PSAP: variants seen among roughly 807,000 people sequenced by gnomAD.
PSAP encodes prosaposin.
In PSAP, 25 loss-of-function variants were observed where a neutral mutation model predicts 66.0. That is an observed-to-expected ratio of 0.38 (90% CI 0.28 to 0.53). The LOEUF (loss-of-function observed/expected upper bound fraction) is 0.53, where lower values mean the gene tolerates loss of function less well. PSAP is among the 20% of genes least tolerant of loss of function. PSAP has a pLI of 0.83. For synonymous variants in PSAP, 273 were observed against 258.9 expected (o/e 1.05, Z -0.52); for missense variants, 649 against 668.8 (o/e 0.97, Z 0.33).
Position 71,825,902 on chromosome 10 carries a change from A to T in PSAP, c.721-9T>A. On this transcript the variant is annotated splice_polypyrimidine_tract_variant and intron_variant, in intron 6 of 13. Coordinates refer to ENST00000394936, the MANE Select transcript of PSAP (RefSeq NM_002778.4). The stretch of plus-strand genomic sequence containing the variant: ...CTGATATAGTTCTTGCACTGAGGAG[A>T]GAGAAACAGATTGCTAAACAAATCA... 1 of 1,611,510 alleles carries T rather than the reference A, an allele frequency of 6.2e-7. No individual in the cohort carries two copies.
At chr10:71,836,879 C>T (rs757213457) in intron 1 of PSAP, among the ~76,000 whole-genome samples, 4 of 152,184 alleles carry the variant, frequency 2.6e-5, no homozygotes, top group East Asian at 1.9e-4. Flanking sequence ...AAACAATAAT[C>T]GTTTTCCATG....
chr10:71,826,869 T>C (rs1842406536), intron 6 of PSAP, among the ~76,000 whole-genome samples: 1 of 152,222 alleles, frequency 6.6e-6, no homozygotes. Flanking sequence ...GCAGGTTTCT[T>C]CAGTTGTCAG....
chr10:71,816,557 C>CAT lies in PSAP; in HGVS notation c.*882_*883dup, dbSNP rs1842163264. ...GCCAGAGGCCTAGGAGCTCGCCATCCATATTTATTTGAAAAGGTCAAAAGG... is the reference window on the plus strand; with the variant it reads ...GCCAGAGGCCTAGGAGCTCGCCATCCATATATTTATTTGAAAAGGTCAAAAGG... On this transcript the variant is annotated 3_prime_UTR_variant, in exon 14 of 14. Transcript: ENST00000394936. The CAT allele has an allele frequency of 2.3e-6, 1 of 441,812 alleles. No individual in the cohort carries two copies. Among genetic ancestry groups the CAT allele is most frequent in the Non-Finnish European group, 4.8e-6 (1 of 206,518 alleles). 27.4% of individuals were successfully genotyped at this position (441,812 alleles called of 1,614,324 possible).
At chr10:71,849,604 C>G (rs2133072878) in intron 1 of PSAP, among the ~76,000 whole-genome samples, 1 of 148,342 alleles carries the variant, frequency 6.7e-6, no homozygotes, top group Admixed American at 6.7e-5. Flanking sequence ...AACTCCGTCT[C>G]AAAAAACAAA....
intron 2 of PSAP, 149 bp downstream of exon 2, chr10:71,834,223 T>C (rs563246958): frequency 1.5e-5 from 20 of 1,299,972 alleles, no homozygotes; most frequent in African/African-American, 5.8e-5. Context: ...CATTCACCAA[T>C]AGGTCCTGCC....
At chr10:71,834,974 C>T (rs966184423) in intron 1 of PSAP, among the ~76,000 whole-genome samples, 6 of 151,978 alleles carry the variant, frequency 3.9e-5, no homozygotes, top group East Asian at 1.9e-4. Context: ...CGGTGGCTCA[C>T]GCCTATAATC....
At chr10:71,819,212 C>T in intron 11 of PSAP, 101 bp from the exon 12 acceptor site, 1 of 1,162,058 alleles carries the variant, frequency 8.6e-7, no homozygotes, top group Non-Finnish European at 1.3e-6. Context: ...TCCCTGAGAG[C>T]TCCTGGCATT....
At chr10:71,834,262 A>G in intron 2 of PSAP, 110 bp downstream of exon 2, 1 of 1,561,750 alleles carries the variant, frequency 6.4e-7, no homozygotes. Flanking sequence ...TGAGAAGTAA[A>G]CAAAACAAGG....
At chr10:71,830,990 C>T in intron 4 of PSAP, 136 bp downstream of exon 4, 1 of 1,370,752 alleles carries the variant, frequency 7.3e-7, no homozygotes, top group Non-Finnish European at 1.0e-6. Flanking sequence ...TTCTGGATGT[C>T]AAATTGTAGC....
intron 6 of PSAP, among the ~76,000 whole-genome samples, chr10:71,826,828 A>G (rs2854992): frequency 0.77 from 117,113 of 152,006 alleles, 45,353 homozygotes; most frequent in African/African-American, 0.85. Flanking sequence ...AGGACAGAGT[A>G]ATTACAACCA....
intron 1 of PSAP, among the ~76,000 whole-genome samples, chr10:71,848,557 G>C (rs1449792293): frequency 6.6e-6 from 1 of 152,156 alleles, no homozygotes; most frequent in East Asian, 1.9e-4. Flanking sequence ...GGGGCAGCTG[G>C]ATGGGCAGAA....
At chr10:71,825,598 T>C (rs1284674982) in intron 7 of PSAP, 2 of 642,572 alleles carry the variant, frequency 3.1e-6, no homozygotes, top group Non-Finnish European at 5.7e-6. Flanking sequence ...GGCAAACAAA[T>C]TGCCAGGAAG....
intron 2 of PSAP, among the ~76,000 whole-genome samples, chr10:71,832,444 T>C (rs997119285): frequency 2.4e-4 from 36 of 152,288 alleles, no homozygotes; most frequent in Middle Eastern, 3.4e-3. Flanking sequence ...GAAATTCTAA[T>C]TGGTTCCTGC....
intron 6 of PSAP, among the ~76,000 whole-genome samples, chr10:71,826,742 A>AC: frequency 1.4e-5 from 1 of 70,948 alleles, no homozygotes; most frequent in East Asian, 4.8e-4. Flanking sequence ...CCCTGTCTCA[A>AC]GAAAAAAAAA....
At chr10:71,822,590 G>A (rs1842326383) in intron 7 of PSAP, 5 of 472,082 alleles carry the variant, frequency 1.1e-5, no homozygotes, top group South Asian at 7.7e-5. Context: ...TAAGCCACAA[G>A]GTCTCCAGAT....
At chr10:71,827,865 T>C (rs2305203) in intron 6 of PSAP, 149 bp downstream of exon 6, 16 of 1,123,162 alleles carry the variant, frequency 1.4e-5, no homozygotes, top group South Asian at 5.4e-5. Context: ...CCAGATGCCA[T>C]TAACCAAAAT....
chr10:71,818,668 T>C lies in PSAP; in HGVS notation c.1488A>G (p.Ile496Met). The change falls in exon 13 of 14, where the codon ATA becomes ATG. Residue 496 changes from isoleucine (I) to methionine (M), a missense_variant. Transcript: ENST00000394936. ...TCTGGCACCAGTAGCTTGGGCCCCA[T>C]ATACACTTCTCAGTTCCCAACAAGG... ...HKPLLGTEKC[I>M]WGPSYWCQNT... 1.2e-6 allele frequency: 2 copies of C among 1,614,118 alleles called. No individual in the cohort carries two copies. The highest frequency in any genetic ancestry group is 1.7e-6 in the Non-Finnish European group (2 of 1,180,026).
chr10:71,819,930 G>A, intron 9 of PSAP, 30 bp from the exon 10 acceptor site: 2 of 1,591,384 alleles, frequency 1.3e-6, no homozygotes, highest in African/African-American at 1.3e-5. Flanking sequence ...CGTGTGAGAA[G>A]ACGGGAGGCC....
At chr10:71,843,054 C>T (rs1000394728) in intron 1 of PSAP, among the ~76,000 whole-genome samples, 17 of 152,088 alleles carry the variant, frequency 1.1e-4, no homozygotes, top group Admixed American at 6.6e-5. Flanking sequence ...AGACAACACA[C>T]ACATCACAAC....
Sources: allele counts gnomAD v4.1 joint callset (sites outside exome capture counted in the v4.1 genomes callset), GRCh38; gene constraint gnomAD v4.1.1; transcripts MANE v1.5; gene names NCBI Gene and HGNC (gene_info 2026-07-23, HGNC 2026-07-21).